The following ATF6 variants were observed in gnomAD, a reference collection of about 807,000 sequenced individuals.
The protein encoded by ATF6 is cyclic AMP-dependent transcription factor ATF-6 alpha.
Under a neutral mutation model 83.6 loss-of-function variants are expected in ATF6, and 53 were observed. That is an observed-to-expected ratio of 0.63 (90% CI 0.51 to 0.80). ATF6 has a LOEUF of 0.80. ATF6 is among the 30% of genes least tolerant of loss of function. The pLI, the probability that ATF6 is intolerant of heterozygous loss-of-function variation, is 0.00. For missense variants in ATF6, 744 were observed against 797.9 expected (o/e 0.93, Z 0.81); for synonymous variants, 288 against 285.8 (o/e 1.01, Z -0.08).
chr1:161,929,062 G>T (rs908007388), intron 15 of ATF6, among the ~76,000 whole-genome samples: 5 of 152,176 alleles, frequency 3.3e-5, no homozygotes, highest in Non-Finnish European at 7.3e-5. Context: ...ATGGGTGCTA[G>T]GCATTGCCTT....
At chr1:161,935,258 G>A (rs1013928176) in intron 15 of ATF6, among the ~76,000 whole-genome samples, 4 of 152,136 alleles carry the variant, frequency 2.6e-5, no homozygotes, top group African/African-American at 9.7e-5. Context: ...TGTAAACTAA[G>A]CGTTTGTAGC....
At chr1:161,893,129 A>T (rs1356159720) in intron 14 of ATF6, among the ~76,000 whole-genome samples, 1 of 152,160 alleles carries the variant, frequency 6.6e-6, no homozygotes, top group South Asian at 2.1e-4. Context: ...TAGAAAAATC[A>T]TACACTGGTT....
intron 12 of ATF6, among the ~76,000 whole-genome samples, chr1:161,858,260 C>G (rs1379715001): frequency 1.3e-5 from 2 of 152,106 alleles, no homozygotes; most frequent in African/African-American, 4.8e-5. Flanking sequence ...AGATGGTAGA[C>G]TTAAATCCAA....
intron 14 of ATF6, among the ~76,000 whole-genome samples, chr1:161,889,637 A>G (rs1247357034): frequency 6.6e-6 from 1 of 152,212 alleles, no homozygotes; most frequent in Non-Finnish European, 1.5e-5. Flanking sequence ...ACAAATCAAG[A>G]CTTGGCCTCT....
In ATF6 at chr1:161,958,521, A is replaced by G. The variant is rs1689014297; in HGVS notation, c.1880A>G (p.His627Arg). The change falls in exon 16 of 16, where the codon CAT becomes CGT. Residue 627 changes from histidine to arginine, a missense_variant. Coordinates refer to ENST00000367942, the MANE Select transcript of ATF6 (RefSeq NM_007348.4). ...DCQVMDTRILHIKSSSVPPYL... is the reference protein window; with the variant it reads ...DCQVMDTRILRIKSSSVPPYL... ...CAGGTGATGGACACCAGGATCCTCCATATCAAAAGTTCGTCAGTTCCTCCT... is the reference window on the plus strand; with the variant it reads ...CAGGTGATGGACACCAGGATCCTCCGTATCAAAAGTTCGTCAGTTCCTCCT... 3.7e-6 allele frequency: 6 copies of G among 1,613,924 alleles called. No homozygotes were observed. In the African/African-American group the frequency reaches 5.3e-5, roughly 14 times the overall value.
chr1:161,808,158 G>C (rs1196179068), intron 7 of ATF6, among the ~76,000 whole-genome samples: 1 of 151,838 alleles, frequency 6.6e-6, no homozygotes. Context: ...GGGATTATAG[G>C]CATGAGCCAC....
chr1:161,775,616 G>A (rs1684497612), intron 1 of ATF6, among the ~76,000 whole-genome samples: 1 of 151,986 alleles, frequency 6.6e-6, no homozygotes. Context: ...TTTGACCACT[G>A]AGAATTCATT....
chr1:161,939,034 T>C (rs550848061), intron 15 of ATF6, among the ~76,000 whole-genome samples: 39 of 152,312 alleles, frequency 2.6e-4, no homozygotes, highest in African/African-American at 7.2e-4. Flanking sequence ...CCACTCCAAA[T>C]AGGCTTTCAT....
chr1:161,780,664 C>T (rs1459736991), intron 2 of ATF6, among the ~76,000 whole-genome samples: 1 of 152,064 alleles, frequency 6.6e-6, no homozygotes. Context: ...TGAGCCACTG[C>T]ACCCGGCCGA....
chr1:161,962,044 C>T lies in ATF6; in HGVS notation c.*3390C>T, dbSNP rs752206097. On this transcript the variant is annotated 3_prime_UTR_variant, in exon 16 of 16. Transcript: ENST00000367942. ...GTTTGCCATGCTTGTAGTACAGAAA[C>T]TTCACATGGAGTTTTGGGTGGGATT... The T allele has an allele frequency of 6.6e-6, 1 of 152,156 alleles. No homozygotes were observed. The highest frequency in any genetic ancestry group is 2.4e-5 in the African/African-American group (1 of 41,430). 9.4% of individuals were successfully genotyped at this position (152,156 alleles called of 1,614,324 possible).
intron 7 of ATF6, among the ~76,000 whole-genome samples, chr1:161,816,237 C>G (rs1466296946): frequency 6.6e-6 from 1 of 152,190 alleles, no homozygotes; most frequent in Non-Finnish European, 1.5e-5. Context: ...GAAGCAGGAC[C>G]TGGCCAGCTG....
intron 4 of ATF6, among the ~76,000 whole-genome samples, chr1:161,791,150 T>A (rs1434224835): frequency 6.6e-6 from 1 of 151,352 alleles, no homozygotes; most frequent in Admixed American, 6.6e-5. Context: ...TAGGAAGAAA[T>A]GTAGCAACAG....
intron 14 of ATF6, among the ~76,000 whole-genome samples, chr1:161,898,841 C>T (rs1211560431): frequency 6.6e-6 from 1 of 152,158 alleles, no homozygotes; most frequent in Non-Finnish European, 1.5e-5. Context: ...AGCCACCGTG[C>T]CAGGCCTGTA....
chr1:161,810,161 A>G (rs1685420519), intron 7 of ATF6, among the ~76,000 whole-genome samples: 1 of 152,216 alleles, frequency 6.6e-6, no homozygotes. Context: ...TCACACTTCT[A>G]TAAAGAAATA....
intron 6 of ATF6, among the ~76,000 whole-genome samples, chr1:161,798,046 A>G (rs1685061805): frequency 6.6e-6 from 1 of 152,172 alleles, no homozygotes; most frequent in African/African-American, 2.4e-5. Flanking sequence ...CTTTAACAAA[A>G]ACAAACAGTG....
chr1:161,906,841 A>T (rs1447011489), intron 14 of ATF6, among the ~76,000 whole-genome samples: 1 of 152,200 alleles, frequency 6.6e-6, no homozygotes, highest in Non-Finnish European at 1.5e-5. Flanking sequence ...TACAGCATTC[A>T]TATTAGCTAT....
At chr1:161,846,633 C>G in intron 10 of ATF6, 53 bp downstream of exon 10, 1 of 1,518,814 alleles carries the variant, frequency 6.6e-7, no homozygotes, top group Non-Finnish European at 8.9e-7. Flanking sequence ...GAAGCTGAAA[C>G]AAGAGAATTA....
In ATF6 at chr1:161,802,071, T is replaced by C. The variant is rs1300740351; in HGVS notation, c.708T>C (p.Ser236=). 6.2e-7 allele frequency: 1 copy of C among 1,614,080 alleles called. No individual in the cohort carries two copies. Among genetic ancestry groups the C allele is most frequent in the Non-Finnish European group, 8.5e-7 (1 of 1,179,966 alleles). ...APTKGQTVLL[S]QPTVVQLQAP... is the part of the protein sequence containing the mutation. ...ACGCAGGCCAGACGGTTTTGCTGTC[T>C]CAGCCTACTGTGGTACAACTTCAAG... Residue 236 remains serine (S), a synonymous_variant, in exon 7 of 16, where the codon TCT becomes TCC. Transcript: ENST00000367942.
At chr1:161,904,634 C>G (rs1035539634) in intron 14 of ATF6, among the ~76,000 whole-genome samples, 9 of 151,696 alleles carry the variant, frequency 5.9e-5, no homozygotes, top group Non-Finnish European at 1.0e-4. Flanking sequence ...AAAACACACA[C>G]ACACACACAC....
Sources: gnomAD v4.1 joint callset for allele counts (sites outside exome capture counted in the v4.1 genomes callset) on GRCh38, gnomAD v4.1.1 for gene constraint, MANE v1.5 for transcripts, NCBI Gene and HGNC (gene_info 2026-07-23, HGNC 2026-07-21) for gene names.